Variants in ABCA13 observed in about 807,000 individuals in gnomAD.
The protein encoded by ABCA13 is ATP binding cassette subfamily A member 13, also known as ATP-binding cassette sub-family A member 13.
Under a neutral mutation model 478.7 loss-of-function variants are expected in ABCA13, and 476 were observed. The ratio of observed to expected loss-of-function variants is 0.99; its 90% confidence interval spans 0.92 to 1.07. ABCA13 has a LOEUF of 1.07. ABCA13 is among the 50% of genes least tolerant of loss of function. The pLI, the probability that ABCA13 is intolerant of heterozygous loss-of-function variation, is 0.00. For missense variants in ABCA13, 6,060 were observed against 5,910.6 expected (o/e 1.03, Z -0.83); for synonymous variants, 2,252 against 2,158.9 (o/e 1.04, Z -1.20).
intron 27 of ABCA13, among the ~76,000 whole-genome samples, chr7:48,325,315 C>T (rs1242012452): frequency 6.6e-6 from 1 of 152,148 alleles, no homozygotes; most frequent in East Asian, 1.9e-4. Flanking sequence ...TGGCTATGAC[C>T]ACCCTGTGGC....
intron 42 of ABCA13, among the ~76,000 whole-genome samples, chr7:48,451,803 T>C (rs1441526623): frequency 1.3e-5 from 2 of 152,194 alleles, no homozygotes; most frequent in Non-Finnish European, 2.9e-5. Context: ...GTTTGAACAA[T>C]TGCAGCCAAG....
chr7:48,287,780 A>G (rs1489790862), intron 19 of ABCA13, among the ~76,000 whole-genome samples, 180 bp from the exon 20 acceptor site: 1 of 152,198 alleles, frequency 6.6e-6, no homozygotes, highest in South Asian at 2.1e-4. Context: ...TCTTTATTTT[A>G]TTACATTTGG....
chr7:48,388,977 A>G (rs908138924), intron 36 of ABCA13, 63 bp from the exon 37 acceptor site: 47 of 1,540,174 alleles, frequency 3.1e-5, no homozygotes, highest in South Asian at 1.1e-4. Context: ...GAATTAATAA[A>G]TATGAGCATT....
In ABCA13 at chr7:48,403,331, C is replaced by T. The variant is rs138512567; in HGVS notation, c.11874-352C>T. ...CCACACTGGTACATCAGCCATTCCACCATACTCCATACCCTGTAGAGGGAT... is the reference window on the plus strand; with the variant it reads ...CCACACTGGTACATCAGCCATTCCATCATACTCCATACCCTGTAGAGGGAT... On this transcript the variant is annotated intron_variant, in intron 38 of 61. Transcript: ENST00000435803. Among the ~76,000 whole-genome samples the T allele has an allele frequency of 2.4e-4, 36 of 152,324 alleles. 1 individual carries two copies. In the East Asian group the frequency reaches 6.9e-3, roughly 29 times the overall value.
At chr7:48,377,939 T>C (rs576414435) in intron 35 of ABCA13, among the ~76,000 whole-genome samples, 1 of 152,290 alleles carries the variant, frequency 6.6e-6, no homozygotes, top group Non-Finnish European at 1.5e-5. Context: ...GAGATGAAGA[T>C]AAAATGTGTC....
intron 59 of ABCA13, among the ~76,000 whole-genome samples, chr7:48,616,002 C>T (rs1251550007): frequency 6.6e-6 from 1 of 151,956 alleles, no homozygotes; most frequent in Admixed American, 6.6e-5. Context: ...ATTGTTACAT[C>T]CTGGTATAAC....
At chr7:48,277,152 A>G (rs1192251662) in intron 17 of ABCA13, among the ~76,000 whole-genome samples, 2 of 152,228 alleles carry the variant, frequency 1.3e-5, no homozygotes, top group African/African-American at 2.4e-5. Context: ...ATTTAATCCA[A>G]GGAAATCAGC....
At chr7:48,539,496 GAGAC>G (rs1833820209) in intron 55 of ABCA13, among the ~76,000 whole-genome samples, 1 of 152,130 alleles carries the variant, frequency 6.6e-6, no homozygotes, top group South Asian at 2.1e-4. Context: ...TACAGGAAAA[GAGAC>G]AGAATTTATT....
chr7:48,592,296 T>A (rs561836400), intron 57 of ABCA13, among the ~76,000 whole-genome samples: 1 of 151,902 alleles, frequency 6.6e-6, no homozygotes, highest in Non-Finnish European at 1.5e-5. Context: ...TCAAGATACA[T>A]GTATTTTTTA....
At chr7:48,615,931 C>A (rs965214701) in intron 59 of ABCA13, among the ~76,000 whole-genome samples, 2 of 152,098 alleles carry the variant, frequency 1.3e-5, no homozygotes, top group Non-Finnish European at 2.9e-5. Flanking sequence ...TAATTCTCTT[C>A]ATGTATTTTC....
intron 59 of ABCA13, among the ~76,000 whole-genome samples, 162 bp from the exon 60 acceptor site, chr7:48,643,126 T>C (rs1247566096): frequency 6.6e-6 from 1 of 152,242 alleles, no homozygotes; most frequent in Non-Finnish European, 1.5e-5. Context: ...AACTGTATAA[T>C]TGACTTACAA....
At chr7:48,301,640 CAG>C (rs1368359785) in intron 23 of ABCA13, among the ~76,000 whole-genome samples, 1 of 151,958 alleles carries the variant, frequency 6.6e-6, no homozygotes, top group Non-Finnish European at 1.5e-5. Context: ...CTGTCATGTG[CAG>C]AGTCTCATTC....
At chr7:48,493,688 G>C in intron 48 of ABCA13, among the ~76,000 whole-genome samples, 1 of 152,182 alleles carries the variant, frequency 6.6e-6, no homozygotes, top group East Asian at 1.9e-4. Flanking sequence ...CCTCAGCAAT[G>C]TCATGAACAA....
At chr7:48,242,820 T>C (rs1411514905) in intron 10 of ABCA13, among the ~76,000 whole-genome samples, 15 of 152,220 alleles carry the variant, frequency 9.9e-5, no homozygotes, top group Non-Finnish European at 1.5e-4. Context: ...TTAGCTTTGG[T>C]CCAAGAAACC....
rs1044031070 is a variant in ABCA13, at chr7:48,407,256, C to T, written c.12071-3264C>T. ...TGGGCGGCCGAGAGAAGTGGATCAC[C>T]TGAGGTCAGGAGTTCGAGACCAGCC... On this transcript the variant is annotated intron_variant, in intron 39 of 61. Coordinates refer to ENST00000435803, the MANE Select transcript of ABCA13 (RefSeq NM_152701.5). 5.3e-5 allele frequency among the ~76,000 whole-genome samples: 8 copies of T among 151,922 alleles called. No individual in the cohort carries two copies. In the East Asian group the frequency reaches 1.2e-3, roughly 22 times the overall value.
intron 58 of ABCA13, 82 bp from the exon 59 acceptor site, chr7:48,615,203 C>A (rs1477744836): frequency 4.6e-6 from 4 of 876,506 alleles, no homozygotes; most frequent in Non-Finnish European, 6.3e-6. Context: ...GGTATCTTGT[C>A]TCCTTTTTGT....
At chr7:48,201,471 C>T (rs1006396297) in intron 3 of ABCA13, among the ~76,000 whole-genome samples, 2 of 152,144 alleles carry the variant, frequency 1.3e-5, no homozygotes, top group African/African-American at 2.4e-5. Context: ...TCTGGCATCC[C>T]AGCACTTTGG....
At chr7:48,220,588 G>A (rs559275680) in intron 4 of ABCA13, among the ~76,000 whole-genome samples, 1 of 152,300 alleles carries the variant, frequency 6.6e-6, no homozygotes, top group African/African-American at 2.4e-5. Context: ...AGACAAAATA[G>A]CACCTTTGTC....
intron 57 of ABCA13, among the ~76,000 whole-genome samples, chr7:48,587,874 A>G (rs1527837): frequency 0.76 from 115,110 of 152,184 alleles, 44,506 homozygotes; most frequent in African/African-American, 0.92. Flanking sequence ...GGAGTTAATT[A>G]TCTTGCATTT....
Sources: gnomAD v4.1 joint callset for allele counts (sites outside exome capture counted in the v4.1 genomes callset) on GRCh38, gnomAD v4.1.1 for gene constraint, MANE v1.5 for transcripts, NCBI Gene and HGNC (gene_info 2026-07-23, HGNC 2026-07-21) for gene names.